Variants in PRELID2 observed in about 807,000 individuals in gnomAD.
The protein encoded by PRELID2 is PRELI domain-containing protein 2.
PRELID2 carries 25 observed loss-of-function variants against 28.4 expected under a neutral mutation model. The observed-to-expected ratio is 0.88, with a 90% CI of 0.64 to 1.23. The LOEUF (loss-of-function observed/expected upper bound fraction) is 1.23, where lower values mean the gene tolerates loss of function less well. PRELID2 is among the 50% of genes most tolerant of loss of function. PRELID2 has a pLI of 0.00. For missense variants in PRELID2, 201 were observed against 214.4 expected, an observed-to-expected ratio of 0.94 and a Z score of 0.39; for synonymous variants, 76 against 71.6, an observed-to-expected ratio of 1.06 and a Z score of -0.31.
At chr5:145,742,113 A>T (rs1263646814) in intron 1 of PRELID2, among the ~76,000 whole-genome samples, 1 of 125,284 alleles carries the variant, frequency 8.0e-6, no homozygotes, top group African/African-American at 3.1e-5. Flanking sequence ...ATTATATATA[A>T]ATAAAATTTA....
the PRELID2 span, among the ~76,000 whole-genome samples, chr5:145,364,681 C>T: frequency 6.6e-6 from 1 of 151,960 alleles, no homozygotes; most frequent in East Asian, 1.9e-4. Flanking sequence ...GGAGAGTAAA[C>T]TTAAGCATTT....
chr5:145,610,727 G>A (rs1374580931), intron 1 of PRELID2, among the ~76,000 whole-genome samples: 1 of 152,030 alleles, frequency 6.6e-6, no homozygotes, highest in African/African-American at 2.4e-5. Context: ...CATCTATTCA[G>A]CCTCTAAGAC....
intron 6 of PRELID2, among the ~76,000 whole-genome samples, chr5:145,763,152 G>C (rs1281431383): frequency 1.3e-5 from 2 of 152,224 alleles, no homozygotes; most frequent in Non-Finnish European, 2.9e-5. Flanking sequence ...TGGAAATGGA[G>C]ACCCCTCATT....
chr5:145,802,880 A>G (rs1392088352), intron 4 of PRELID2, among the ~76,000 whole-genome samples: 2 of 152,214 alleles, frequency 1.3e-5, no homozygotes, highest in Non-Finnish European at 2.9e-5. Flanking sequence ...GGAAATATGG[A>G]TCAGGAATTA....
At chr5:145,541,604 C>CT (rs1752745686) in intron 1 of PRELID2, among the ~76,000 whole-genome samples, 1 of 151,880 alleles carries the variant, frequency 6.6e-6, no homozygotes, top group Admixed American at 6.6e-5. Context: ...TCTACTTTTG[C>CT]TAAGTATATC....
At chr5:145,492,399 C>T (rs1752277542) in intron 1 of PRELID2, among the ~76,000 whole-genome samples, 1 of 143,086 alleles carries the variant, frequency 7.0e-6, no homozygotes, top group Admixed American at 7.0e-5. Flanking sequence ...TAATAAATTC[C>T]TTATATATTT....
chr5:145,480,964 C>T (rs1752153614), intron 1 of PRELID2, among the ~76,000 whole-genome samples: 1 of 152,134 alleles, frequency 6.6e-6, no homozygotes. Context: ...CCATTGTATG[C>T]TAATTGTTCT....
the PRELID2 span, among the ~76,000 whole-genome samples, chr5:145,376,507 C>T: frequency 1.3e-5 from 2 of 152,016 alleles, no homozygotes; most frequent in East Asian, 1.9e-4. Flanking sequence ...GTAGAATTCA[C>T]CTGTGAATCC....
the PRELID2 span, among the ~76,000 whole-genome samples, chr5:145,269,505 A>G: frequency 6.6e-6 from 1 of 151,984 alleles, no homozygotes; most frequent in African/African-American, 2.4e-5. Flanking sequence ...ATCATAGACA[A>G]AATACAAAAG....
chr5:145,706,454 A>G (rs887884228), intron 1 of PRELID2, among the ~76,000 whole-genome samples: 1 of 152,176 alleles, frequency 6.6e-6, no homozygotes, highest in African/African-American at 2.4e-5. Context: ...CCTTTATAGA[A>G]GGGAGTTCAA....
At chr5:145,365,556 C>T in the PRELID2 span, among the ~76,000 whole-genome samples, 3,229 of 151,942 alleles carry the variant, frequency 0.021, 53 homozygotes, top group Middle Eastern at 0.041. Context: ...GGCGTATGTA[C>T]CTGCCACAAA....
At chr5:145,417,398 T>A in the PRELID2 span, among the ~76,000 whole-genome samples, 1 of 152,180 alleles carries the variant, frequency 6.6e-6, no homozygotes, top group African/African-American at 2.4e-5. Flanking sequence ...ACTCATTCTA[T>A]GAGGCCAGCA....
At chr5:145,540,726 A>C (rs1213222014) in intron 1 of PRELID2, among the ~76,000 whole-genome samples, 1 of 151,748 alleles carries the variant, frequency 6.6e-6, no homozygotes, top group Non-Finnish European at 1.5e-5. Context: ...AGGAAAGGGA[A>C]GACAGGAGAC....
chr5:145,632,444 T>A (rs1024197118), intron 1 of PRELID2, among the ~76,000 whole-genome samples: 1 of 152,124 alleles, frequency 6.6e-6, no homozygotes, highest in Admixed American at 6.6e-5. Flanking sequence ...AAAATCACAT[T>A]CAGAAAGCTG....
the PRELID2 span, among the ~76,000 whole-genome samples, chr5:145,385,139 T>C: frequency 6.6e-6 from 1 of 152,210 alleles, no homozygotes; most frequent in Non-Finnish European, 1.5e-5. Flanking sequence ...TATACACTTA[T>C]AGTCTGCGTG....
At chr5:145,651,179 T>G (rs1430815335) in intron 1 of PRELID2, among the ~76,000 whole-genome samples, 2 of 152,004 alleles carry the variant, frequency 1.3e-5, no homozygotes, top group Non-Finnish European at 2.9e-5. Context: ...CAGTCTGAGA[T>G]CGAACTGCAA....
At chr5:145,408,073 G>A in the PRELID2 span, among the ~76,000 whole-genome samples, 1 of 151,978 alleles carries the variant, frequency 6.6e-6, no homozygotes, top group Non-Finnish European at 1.5e-5. Context: ...CTGGCTCTCA[G>A]AAAGCCCCAT....
chr5:145,556,917 T>C (rs969481223), intron 1 of PRELID2, among the ~76,000 whole-genome samples: 25 of 152,318 alleles, frequency 1.6e-4, no homozygotes, highest in African/African-American at 5.1e-4. Context: ...TTTTTTCTTT[T>C]TTCAGGGAAG....
intron 1 of PRELID2, among the ~76,000 whole-genome samples, chr5:145,674,242 T>C (rs1754768661): frequency 6.6e-6 from 1 of 152,194 alleles, no homozygotes; most frequent in Non-Finnish European, 1.5e-5. Context: ...ACATGTGCCA[T>C]GTTGGCATGC....
Sources: gnomAD v4.1 joint callset for allele counts (sites outside exome capture counted in the v4.1 genomes callset) on GRCh38, gnomAD v4.1.1 for gene constraint, MANE v1.5 for transcripts, NCBI Gene and HGNC (gene_info 2026-07-23, HGNC 2026-07-21) for gene names.